KLF17: variants seen among roughly 807,000 people sequenced by gnomAD.
The protein encoded by KLF17 is KLF transcription factor 17.
KLF17 carries 31 observed loss-of-function variants against 34.2 expected under a neutral mutation model. The observed-to-expected ratio is 0.91, with a 90% CI of 0.68 to 1.22. The LOEUF is 1.22. Ranked by LOEUF, KLF17 falls within the 50% of genes most tolerant of loss-of-function variation. The pLI is 0.00. For missense variants in KLF17, 478 were observed against 505.2 expected (o/e 0.95, Z 0.52); for synonymous variants, 179 against 186.7 (o/e 0.96, Z 0.34).
At chr1:44,101,599 AC>A in the KLF17 span, 1 of 152,228 alleles carries the variant, frequency 6.6e-6, no homozygotes, top group African/African-American at 2.4e-5. Flanking sequence ...CTCAATGATC[AC>A]GTCAGGAGAC....
chr1:44,057,943 C>T, the KLF17 span, among the ~76,000 whole-genome samples: 3 of 152,198 alleles, frequency 2.0e-5, no homozygotes, highest in Non-Finnish European at 2.9e-5. Context: ...TGCCACCATA[C>T]AGGGGACTGA....
At chr1:44,066,346 C>CCA in the KLF17 span, among the ~76,000 whole-genome samples, 13,651 of 144,974 alleles carry the variant, frequency 0.094, 643 homozygotes, top group Non-Finnish European at 0.11. Context: ...ACCCTCCCCC[C>CCA]AAAAAAAACA....
the KLF17 span, among the ~76,000 whole-genome samples, chr1:44,066,304 G>A: frequency 6.6e-6 from 1 of 151,336 alleles, no homozygotes; most frequent in African/African-American, 2.4e-5. Flanking sequence ...GGACAACAGA[G>A]TGAGACCTTT....
the KLF17 span, among the ~76,000 whole-genome samples, chr1:44,069,034 C>T: frequency 6.6e-6 from 1 of 152,164 alleles, no homozygotes; most frequent in Admixed American, 6.5e-5. This position sits in a 1 kb window ranked among gnomAD's most constrained non-coding sequence, Gnocchi z 4.7. Flanking sequence ...GGCCTGACCC[C>T]CTCCCCTCAC....
chr1:44,095,591 C>T, the KLF17 span, among the ~76,000 whole-genome samples: 3 of 152,050 alleles, frequency 2.0e-5, no homozygotes, highest in Non-Finnish European at 4.4e-5. Context: ...TGCATTTAAT[C>T]CGTAGATTTT....
the KLF17 span, among the ~76,000 whole-genome samples, chr1:44,072,009 C>A: frequency 2.0e-5 from 3 of 151,766 alleles, no homozygotes; most frequent in Non-Finnish European, 4.4e-5. Flanking sequence ...GACGGGGGGA[C>A]AATCATGACT....
the KLF17 span, among the ~76,000 whole-genome samples, chr1:44,111,280 G>A: frequency 1.2e-3 from 185 of 152,180 alleles, 3 homozygotes; most frequent in East Asian, 0.02. Context: ...ACAGGCTTAA[G>A]CCACCATGCC....
the KLF17 span, among the ~76,000 whole-genome samples, chr1:44,083,476 G>C: frequency 6.6e-6 from 1 of 152,066 alleles, no homozygotes; most frequent in Non-Finnish European, 1.5e-5. Flanking sequence ...TATCCAGCAA[G>C]TTGTTCTTAA....
At chr1:44,121,788 T>C (rs961874288) in intron 1 of KLF17, among the ~76,000 whole-genome samples, 1 of 152,212 alleles carries the variant, frequency 6.6e-6, no homozygotes, top group Non-Finnish European at 1.5e-5. Context: ...CATCTTGCAT[T>C]ACATCAGGAG....
At chr1:44,127,635 TTTCC>T (rs879576123) in intron 1 of KLF17, among the ~76,000 whole-genome samples, 299 of 29,810 alleles carry the variant, frequency 0.01, 5 homozygotes, top group East Asian at 0.056. Flanking sequence ...TTTTCTTTTC[TTTCC>T]TTCTTTCTTT....
chr1:44,089,761 G>A, the KLF17 span, among the ~76,000 whole-genome samples: 72 of 152,232 alleles, frequency 4.7e-4, no homozygotes, highest in African/African-American at 1.7e-3. Context: ...TAGAACAAAG[G>A]TCAGCAAATA....
the KLF17 span, among the ~76,000 whole-genome samples, chr1:44,105,973 G>A: frequency 6.6e-6 from 1 of 152,164 alleles, no homozygotes; most frequent in Non-Finnish European, 1.5e-5. Flanking sequence ...AGACCAGCCT[G>A]GGCAACATAG....
At chr1:44,071,303 C>T in the KLF17 span, among the ~76,000 whole-genome samples, 2 of 152,212 alleles carry the variant, frequency 1.3e-5, no homozygotes, top group African/African-American at 4.8e-5. Context: ...CTATCCCTCT[C>T]CACAGCTCAC....
chr1:44,086,468 AAAATAAAT>A, the KLF17 span, among the ~76,000 whole-genome samples: 69,449 of 148,322 alleles, frequency 0.47, 16,501 homozygotes, highest in African/African-American at 0.52. Context: ...CTCCATCTCA[AAAATAAAT>A]AAATAAATAA....
At chr1:44,127,402 C>T (rs1329182938) in intron 1 of KLF17, among the ~76,000 whole-genome samples, 1 of 152,084 alleles carries the variant, frequency 6.6e-6, no homozygotes, top group African/African-American at 2.4e-5. Context: ...CTAATATAAC[C>T]CCATCCTGTT....
At chr1:44,104,247 T>C in the KLF17 span, 1 of 1,325,742 alleles carries the variant, frequency 7.5e-7, no homozygotes, top group South Asian at 1.2e-5. Flanking sequence ...GTACTTGTTC[T>C]TGAAGTCCTC....
At chr1:44,051,325 A>C in the KLF17 span, 1 of 152,284 alleles carries the variant, frequency 6.6e-6, no homozygotes, top group Non-Finnish European at 1.5e-5. Flanking sequence ...GTAAGTGGCC[A>C]TACTGCTACT....
chr1:44,070,028 C>G, the KLF17 span: 1 of 152,180 alleles, frequency 6.6e-6, no homozygotes. Context: ...TCTGCATTCC[C>G]CCCACCTTTG....
At chr1:44,087,462 C>T in the KLF17 span, among the ~76,000 whole-genome samples, 1 of 151,448 alleles carries the variant, frequency 6.6e-6, no homozygotes, top group Non-Finnish European at 1.5e-5. Flanking sequence ...CAGGGTCTCC[C>T]TATGTTGCCT....
Sources: gnomAD v4.1 joint callset for allele counts (sites outside exome capture counted in the v4.1 genomes callset) on GRCh38, gnomAD v4.1.1 for gene constraint, Gnocchi (gnomAD v3.1) non-coding constraint, MANE v1.5 for transcripts, NCBI Gene and HGNC (gene_info 2026-07-23, HGNC 2026-07-21) for gene names.